KCTD8: variants seen among roughly 807,000 people sequenced by gnomAD.
The protein encoded by KCTD8 is BTB/POZ domain-containing protein KCTD8.
A neutral mutation model predicts 31.5 loss-of-function variants in KCTD8; 27 were observed. That is an observed-to-expected ratio of 0.86 (90% CI 0.63 to 1.18). The LOEUF (loss-of-function observed/expected upper bound fraction) is 1.18, where lower values mean the gene tolerates loss of function less well. Ranked by LOEUF, KCTD8 falls within the 50% of genes most tolerant of loss-of-function variation. The pLI is 0.00. For synonymous variants in KCTD8, 290 were observed against 280.0 expected (o/e 1.04, Z -0.36); for missense variants, 658 against 647.7 (o/e 1.02, Z -0.17).
At chr4:44,318,354 C>T (rs575216866) in intron 1 of KCTD8, among the ~76,000 whole-genome samples, 27 of 152,272 alleles carry the variant, frequency 1.8e-4, no homozygotes, top group Admixed American at 4.6e-4. Context: ...TCCCAGCCTT[C>T]TAAGTAGCTG....
intron 1 of KCTD8, among the ~76,000 whole-genome samples, chr4:44,223,319 GA>G (rs1714860741): frequency 6.6e-6 from 1 of 152,074 alleles, no homozygotes; most frequent in African/African-American, 2.4e-5. Flanking sequence ...AGAAGGAAGG[GA>G]AAACTAATAT....
rs189730731 is a variant in KCTD8 at position 44,381,161 on chromosome 4, A to G, written c.961+66402T>C. 1.4e-3 allele frequency among the ~76,000 whole-genome samples: 210 copies of G among 152,158 alleles called. 2 individuals are homozygous for G. Among genetic ancestry groups the G allele is most frequent in the Non-Finnish European group, 2.6e-3 (178 of 67,942 alleles). ...CAATTATTACTCATGGTAGTATTTA[A>G]CTCATATACTAATGTATACTTCAAT... is the stretch of plus-strand genomic sequence containing the variant. On this transcript the variant is annotated intron_variant, in intron 1 of 1. Coordinates refer to ENST00000360029, the MANE Select transcript of KCTD8 (RefSeq NM_198353.3).
intron 1 of KCTD8, among the ~76,000 whole-genome samples, chr4:44,428,134 T>A (rs1721391326): frequency 6.6e-6 from 1 of 151,666 alleles, no homozygotes; most frequent in Non-Finnish European, 1.5e-5. Context: ...TAAAAGAAAT[T>A]CATTCTATCA....
chr4:44,178,128 A>G (rs539998260), intron 1 of KCTD8, among the ~76,000 whole-genome samples: 37 of 152,348 alleles, frequency 2.4e-4, no homozygotes, highest in Admixed American at 3.9e-4. Context: ...CAAGATACTT[A>G]GCTCCTCTAA....
At chr4:44,234,656 A>C (rs2109353983) in intron 1 of KCTD8, among the ~76,000 whole-genome samples, 1 of 152,246 alleles carries the variant, frequency 6.6e-6, no homozygotes, top group East Asian at 1.9e-4. Flanking sequence ...GCAGAACAGA[A>C]AGTCACTCTC....
At chr4:44,346,533 A>T (rs756827134) in intron 1 of KCTD8, among the ~76,000 whole-genome samples, 112 of 152,128 alleles carry the variant, frequency 7.4e-4, no homozygotes, top group Non-Finnish European at 1.2e-3. Flanking sequence ...TTAATTAATT[A>T]AAAAAATGGC....
At chr4:44,438,371 T>C (rs920775574) in intron 1 of KCTD8, among the ~76,000 whole-genome samples, 1 of 152,198 alleles carries the variant, frequency 6.6e-6, no homozygotes, top group Non-Finnish European at 1.5e-5. Context: ...CTGTGACAAT[T>C]TGTCATTTTG....
At chr4:44,255,090 A>T (rs13124374) in intron 1 of KCTD8, among the ~76,000 whole-genome samples, 42,900 of 151,670 alleles carry the variant, frequency 0.28, 6,137 homozygotes, top group South Asian at 0.32. Context: ...TGCTATACTC[A>T]GTGTCCAGGA....
intron 1 of KCTD8, among the ~76,000 whole-genome samples, chr4:44,307,274 T>G (rs1385897902): frequency 2.6e-5 from 4 of 152,006 alleles, no homozygotes; most frequent in African/African-American, 9.7e-5. Flanking sequence ...TATGTTCAAG[T>G]TGTAGTAATA....
chr4:44,179,955 T>A (rs896209776), intron 1 of KCTD8, among the ~76,000 whole-genome samples: 2 of 152,166 alleles, frequency 1.3e-5, no homozygotes, highest in African/African-American at 4.8e-5. Context: ...CTTCCAGGGA[T>A]AATTTAAAAC....
At chr4:44,251,254 TA>T (rs1402814226) in intron 1 of KCTD8, among the ~76,000 whole-genome samples, 4 of 151,734 alleles carry the variant, frequency 2.6e-5, no homozygotes, top group Non-Finnish European at 4.4e-5. Context: ...TACCAGTTAG[TA>T]AGGTGAATTT....
chr4:44,267,134 A>G (rs1227127103), intron 1 of KCTD8, among the ~76,000 whole-genome samples: 1 of 152,172 alleles, frequency 6.6e-6, no homozygotes, highest in Admixed American at 6.5e-5. Context: ...AATTGACCAC[A>G]TACTTGGAAG....
At chr4:44,419,344 G>A (rs1335514958) in intron 1 of KCTD8, among the ~76,000 whole-genome samples, 5 of 152,178 alleles carry the variant, frequency 3.3e-5, no homozygotes. Flanking sequence ...GTTACTCACT[G>A]AGAAGGGCCA....
At chr4:44,272,133 A>G (rs1189169568) in intron 1 of KCTD8, among the ~76,000 whole-genome samples, 4 of 149,692 alleles carry the variant, frequency 2.7e-5, no homozygotes, top group Non-Finnish European at 5.9e-5. Context: ...ATATATATAT[A>G]TATATATAAA....
chr4:44,205,948 C>CT lies in KCTD8; in HGVS notation c.962-30699dup, dbSNP rs199922535. On this transcript the variant is annotated intron_variant, in intron 1 of 1. Transcript: ENST00000360029. ...TGGCATAGAGGAGAAAAGCAAAATCCTTTTTTTTCTGGAGACAGGCAGGTA... is the reference window on the plus strand; with the variant it reads ...TGGCATAGAGGAGAAAAGCAAAATCCTTTTTTTTTCTGGAGACAGGCAGGTA... 2.9e-3 allele frequency among the ~76,000 whole-genome samples: 445 copies of CT among 151,956 alleles called. 2 individuals carry two copies. The highest frequency in any genetic ancestry group is 8.3e-3 in the African/African-American group (345 of 41,438).
chr4:44,283,360 A>G lies in KCTD8; in HGVS notation c.962-108110T>C, dbSNP rs187049256. On this transcript the variant is annotated intron_variant, in intron 1 of 1. Coordinates refer to ENST00000360029, the MANE Select transcript of KCTD8 (RefSeq NM_198353.3). ...ACACCATGCCTGGCCCAGATTTTCA[A>G]TGTGAATAAAACGGTGGAAGAAGAT... Among the ~76,000 whole-genome samples the G allele has an allele frequency of 1.1e-4, 17 of 152,146 alleles. No homozygotes were observed. In the East Asian group the frequency reaches 3.3e-3, roughly 30 times the overall value.
At chr4:44,379,748 T>C (rs536678160) in intron 1 of KCTD8, among the ~76,000 whole-genome samples, 3 of 152,116 alleles carry the variant, frequency 2.0e-5, no homozygotes, top group Non-Finnish European at 4.4e-5. Context: ...TAAGTATTGT[T>C]GCCAAGCAAA....
At chr4:44,239,160 G>A (rs112965283) in intron 1 of KCTD8, among the ~76,000 whole-genome samples, 12 of 152,270 alleles carry the variant, frequency 7.9e-5, no homozygotes, top group African/African-American at 2.6e-4. Flanking sequence ...TCATCTCTCT[G>A]TAAAATCGAA....
At chr4:44,199,118 A>G (rs1204685324) in intron 1 of KCTD8, among the ~76,000 whole-genome samples, 2 of 152,142 alleles carry the variant, frequency 1.3e-5, no homozygotes, top group African/African-American at 4.8e-5. Flanking sequence ...AAAGATATAT[A>G]CACCCAACAG....
Sources: allele counts gnomAD v4.1 joint callset (sites outside exome capture counted in the v4.1 genomes callset), GRCh38; gene constraint gnomAD v4.1.1; transcripts MANE v1.5; gene names NCBI Gene and HGNC (gene_info 2026-07-23, HGNC 2026-07-21).